Variants in IKZF3 observed in about 807,000 individuals in gnomAD.
IKZF3 encodes IKAROS family zinc finger 3, also known as zinc finger protein Aiolos.
In IKZF3, 10 loss-of-function variants were observed where a neutral mutation model predicts 49.0. The ratio of observed to expected loss-of-function variants is 0.20; its 90% CI spans 0.13 to 0.35. The LOEUF is 0.35. Among genes scored for constraint, IKZF3 ranks in the 10% least tolerant of loss-of-function variants. The probability of loss-of-function intolerance (pLI) is 1.00; values close to 1 mark genes in which losing one functional copy is unlikely to be tolerated. For synonymous variants in IKZF3, 209 were observed against 228.2 expected, an observed-to-expected ratio of 0.92 and a Z score of 0.76; for missense variants, 498 against 664.8, an observed-to-expected ratio of 0.75 and a Z score of 2.76.
In IKZF3 at chr17:39,864,269, G is replaced by C; in HGVS notation, c.-143C>G. On this transcript the variant is annotated 5_prime_UTR_variant, in exon 1 of 8. Coordinates refer to ENST00000346872, the MANE Select transcript of IKZF3 (RefSeq NM_012481.5). ...GGGATCCGGCAGCCGCGTCGGCGCA[G>C]ACTGAAAAGGGCAGGAGCCGGCGAC... 6.4e-6 allele frequency: 6 copies of C among 931,230 alleles called. No homozygotes were observed. Among genetic ancestry groups the C allele is most frequent in the Non-Finnish European group, 9.6e-6 (6 of 624,174 alleles). The allele number at this position is 931,230 out of a possible 1,614,324, so 57.7% of individuals were successfully genotyped here.
At chr17:39,799,461 G>A (rs2061262546) in intron 3 of IKZF3, among the ~76,000 whole-genome samples, 1 of 152,100 alleles carries the variant, frequency 6.6e-6, no homozygotes, top group Non-Finnish European at 1.5e-5. Context: ...CTTGCCCCAG[G>A]ACTACTTAAT....
At position 39,777,701 on chromosome 17, in the gene IKZF3, A is replaced by G; in HGVS notation, c.776T>C (p.Leu259Ser). 1.2e-6 allele frequency: 2 copies of G among 1,613,962 alleles called. No individual in the cohort carries two copies. The highest frequency in any genetic ancestry group is 1.7e-6 in the Non-Finnish European group (2 of 1,179,946). Residue 259 changes from leucine to serine, a missense_variant, in exon 7 of 8, where the codon TTA (leucine) becomes TCA (serine). Transcript: ENST00000346872. ...GSERALVLDR[L>S]ASNVAKRKSS... ...TTTTCGTTTTGCCACATTGCTTGCT[A>G]ATCTGTCCAGTACGAGAGCTCTTTC...
At chr17:39,812,894 CAAG>C (rs1164424355) in intron 3 of IKZF3, among the ~76,000 whole-genome samples, 4 of 151,958 alleles carry the variant, frequency 2.6e-5, no homozygotes, top group Non-Finnish European at 5.9e-5. Context: ...GTCAGGAGAT[CAAG>C]ACCATCTTGG....
chr17:39,858,279 C>A (rs955831895), intron 1 of IKZF3, among the ~76,000 whole-genome samples: 1 of 151,856 alleles, frequency 6.6e-6, no homozygotes, highest in Admixed American at 6.6e-5. Context: ...GGTAACATAG[C>A]AAGACTATGT....
chr17:39,814,957 G>C (rs1237493655), intron 3 of IKZF3, among the ~76,000 whole-genome samples: 1 of 152,112 alleles, frequency 6.6e-6, no homozygotes, highest in Non-Finnish European at 1.5e-5. Flanking sequence ...TGGGTATCGA[G>C]GTATCGTGTG....
chr17:39,852,796 C>G (rs746159050), intron 1 of IKZF3, among the ~76,000 whole-genome samples: 3 of 152,056 alleles, frequency 2.0e-5, no homozygotes, highest in Non-Finnish European at 4.4e-5. Context: ...AAGGTGAAAC[C>G]CTGTTCTCTA....
At chr17:39,839,808 T>C (rs1216879332) in intron 1 of IKZF3, among the ~76,000 whole-genome samples, 1 of 151,888 alleles carries the variant, frequency 6.6e-6, no homozygotes. Flanking sequence ...TACAGGTAGG[T>C]GTCACCATGT....
At chr17:39,844,795 T>C (rs947860847) in intron 1 of IKZF3, among the ~76,000 whole-genome samples, 4 of 152,146 alleles carry the variant, frequency 2.6e-5, no homozygotes, top group Non-Finnish European at 2.9e-5. Flanking sequence ...ACTAATTTTG[T>C]ATTTTTAGTA....
intron 7 of IKZF3, among the ~76,000 whole-genome samples, chr17:39,773,222 C>T (rs1597962547): frequency 6.6e-6 from 1 of 152,182 alleles, no homozygotes; most frequent in Non-Finnish European, 1.5e-5. Context: ...GACTGCAGTG[C>T]CTTATAGGCC....
At chr17:39,823,510 T>C (rs1055824988) in intron 3 of IKZF3, among the ~76,000 whole-genome samples, 1 of 152,026 alleles carries the variant, frequency 6.6e-6, no homozygotes, top group South Asian at 2.1e-4. Context: ...ACAAAGACAA[T>C]GGGGAAAATG....
chr17:39,815,656 A>C (rs1407603886), intron 3 of IKZF3, among the ~76,000 whole-genome samples: 1 of 152,208 alleles, frequency 6.6e-6, no homozygotes, highest in Non-Finnish European at 1.5e-5. Flanking sequence ...TATTCCCAGC[A>C]CTCATTGGAT....
At chr17:39,845,735 GT>G (rs2062611498) in intron 1 of IKZF3, among the ~76,000 whole-genome samples, 1 of 152,022 alleles carries the variant, frequency 6.6e-6, no homozygotes, top group South Asian at 2.1e-4. Flanking sequence ...ATACTTCTAT[GT>G]TTACTTTCAA....
At chr17:39,769,695 C>A (rs2060387338) in intron 7 of IKZF3, among the ~76,000 whole-genome samples, 1 of 152,118 alleles carries the variant, frequency 6.6e-6, no homozygotes, top group African/African-American at 2.4e-5. Context: ...CACCTCTATT[C>A]ATCTCCCTAA....
chr17:39,787,601 G>T (rs1331711962), intron 6 of IKZF3, among the ~76,000 whole-genome samples: 2 of 152,154 alleles, frequency 1.3e-5, no homozygotes, highest in Admixed American at 1.3e-4. Flanking sequence ...AATATACAGA[G>T]AATTAGAATA....
intron 3 of IKZF3, among the ~76,000 whole-genome samples, chr17:39,826,662 G>A (rs535033384): frequency 3.2e-4 from 49 of 152,220 alleles, no homozygotes; most frequent in African/African-American, 1.1e-3. Context: ...GTCAATGCTC[G>A]GTAAAAGACC....
Position 39,786,449 on chromosome 17 carries a change from G to T in IKZF3, c.709+1809C>A, listed in dbSNP as rs900081367. ...TCTTACAGTGAGAGCTTTGCCTATT[G>T]TCTGAAATACAGAACTGCAAGTAGA... On this transcript the variant is annotated intron_variant, in intron 6 of 7. Coordinates refer to ENST00000346872, the MANE Select transcript of IKZF3 (RefSeq NM_012481.5). Among the ~76,000 whole-genome samples, 79 of 152,116 alleles carry T rather than the reference G, an allele frequency of 5.2e-4. 1 individual carries two copies. Among genetic ancestry groups the T allele is most frequent in the Admixed American group, 2.6e-4 (4 of 15,268 alleles).
At chr17:39,788,498 A>C in intron 5 of IKZF3, 124 bp from the exon 6 acceptor site, 1 of 644,222 alleles carries the variant, frequency 1.6e-6, no homozygotes. Flanking sequence ...GTATTTGGAT[A>C]CTTTTGAATC....
intron 1 of IKZF3, among the ~76,000 whole-genome samples, chr17:39,832,824 T>C (rs182725345): frequency 1.1e-3 from 174 of 152,090 alleles, no homozygotes; most frequent in Admixed American, 2.4e-3. Context: ...AGGGTGACTA[T>C]AGTTAACAAC....
chr17:39,812,725 A>G (rs2061588851), intron 3 of IKZF3, among the ~76,000 whole-genome samples: 1 of 152,214 alleles, frequency 6.6e-6, no homozygotes, highest in Non-Finnish European at 1.5e-5. Context: ...TATGAAAGTT[A>G]GCAGGCACAT....
Sources: gnomAD v4.1 joint callset for allele counts (sites outside exome capture counted in the v4.1 genomes callset) on GRCh38, gnomAD v4.1.1 for gene constraint, MANE v1.5 for transcripts, NCBI Gene and HGNC (gene_info 2026-07-23, HGNC 2026-07-21) for gene names.